The following ARHGAP10 variants were observed in gnomAD, a reference collection of about 807,000 sequenced individuals.
ARHGAP10 encodes rho GTPase-activating protein 10.
Under a neutral mutation model 108.6 loss-of-function variants are expected in ARHGAP10, and 87 were observed. The ratio of observed to expected loss-of-function variants is 0.80; its 90% confidence interval spans 0.67 to 0.96. ARHGAP10 has a LOEUF of 0.96. Ranked by LOEUF, ARHGAP10 falls within the 40% of genes least tolerant of loss-of-function variation. The pLI is 0.00. For synonymous variants in ARHGAP10, 347 were observed against 341.1 expected (o/e 1.02, Z -0.19); for missense variants, 939 against 954.5 (o/e 0.98, Z 0.21).
intron 3 of ARHGAP10, among the ~76,000 whole-genome samples, chr4:147,843,259 A>G (rs936060630): frequency 1.3e-5 from 2 of 152,154 alleles, no homozygotes; most frequent in African/African-American, 2.4e-5. Context: ...GCATTTAGAC[A>G]TGCTCTCATC....
chr4:148,009,476 A>C (rs547250684), intron 18 of ARHGAP10, among the ~76,000 whole-genome samples: 2 of 152,274 alleles, frequency 1.3e-5, no homozygotes, highest in South Asian at 4.1e-4. Flanking sequence ...TGAGGTAAAA[A>C]ATGTTAAGAT....
chr4:147,939,966 T>C, intron 14 of ARHGAP10, 67 bp downstream of exon 14: 1 of 1,357,452 alleles, frequency 7.4e-7, no homozygotes, highest in Non-Finnish European at 1.0e-6. Context: ...CACAGCTTAA[T>C]ATTTCATAAT....
intron 1 of ARHGAP10, among the ~76,000 whole-genome samples, chr4:147,821,609 C>T (rs1732500350): frequency 6.6e-6 from 1 of 152,156 alleles, no homozygotes; most frequent in Non-Finnish European, 1.5e-5. Flanking sequence ...AGGTTAGAGG[C>T]TGTGCACGTG....
chr4:147,826,757 A>G (rs1418913076), intron 3 of ARHGAP10, among the ~76,000 whole-genome samples: 2 of 152,184 alleles, frequency 1.3e-5, no homozygotes, highest in African/African-American at 4.8e-5. Flanking sequence ...TTCAGTATAT[A>G]TCTCAAAAAG....
chr4:147,883,137 A>G (rs1458712393), intron 10 of ARHGAP10, among the ~76,000 whole-genome samples: 2 of 152,248 alleles, frequency 1.3e-5, no homozygotes, highest in African/African-American at 4.8e-5. Flanking sequence ...ACATAAAAAC[A>G]GGCCCTTAAG....
chr4:148,055,428 C>T (rs1729319458), intron 20 of ARHGAP10, among the ~76,000 whole-genome samples: 1 of 152,192 alleles, frequency 6.6e-6, no homozygotes, highest in Non-Finnish European at 1.5e-5. Flanking sequence ...GTGGCATACG[C>T]CTGTAATCCC....
At chr4:147,828,298 T>A (rs887784208) in intron 3 of ARHGAP10, among the ~76,000 whole-genome samples, 2 of 152,254 alleles carry the variant, frequency 1.3e-5, no homozygotes, top group African/African-American at 2.4e-5. Context: ...AAGGGTAAGA[T>A]GAGACTTTAG....
At chr4:147,815,160 C>T (rs1732186449) in intron 1 of ARHGAP10, among the ~76,000 whole-genome samples, 1 of 152,156 alleles carries the variant, frequency 6.6e-6, no homozygotes, top group Non-Finnish European at 1.5e-5. Context: ...AACTTGTCAC[C>T]CTGCTGCCGC....
intron 18 of ARHGAP10, among the ~76,000 whole-genome samples, chr4:147,970,954 G>A (rs184487132): frequency 6.6e-5 from 10 of 152,122 alleles, no homozygotes; most frequent in African/African-American, 1.7e-4. Flanking sequence ...TTAGCCAGGC[G>A]TGGTGGCGGG....
At chr4:147,791,369 C>G (rs1008402714) in intron 1 of ARHGAP10, among the ~76,000 whole-genome samples, 2 of 152,040 alleles carry the variant, frequency 1.3e-5, no homozygotes, top group East Asian at 1.9e-4. Context: ...GCCTCAGCCT[C>G]CCGAAGTGCT....
rs1324737180 is a variant in ARHGAP10 at position 147,977,860 on chromosome 4, A to G, written c.1716+11021A>G. Among the ~76,000 whole-genome samples the G allele has an allele frequency of 2.0e-5, 3 of 150,714 alleles. No homozygotes were observed. The East Asian group carries it at 5.8e-4, about 29-fold the overall frequency. ...CAGTGTCTATTACTTTCATCTTTAT[A>G]TCTGTGTAAACCCAAGATTTAGCTT... On this transcript the variant is annotated intron_variant, in intron 18 of 22. Coordinates refer to ENST00000336498, the MANE Select transcript of ARHGAP10 (RefSeq NM_024605.4).
In ARHGAP10 at chr4:147,864,858, G is replaced by A. The variant is rs561455545; in HGVS notation, c.499G>A (p.Val167Ile). Reference sequence around the variant, plus strand: ...GATTTTAACATAGGCAGATATCCAAGTAGAGCAGAACCGGCAACACTTCTA... The same window carrying A: ...GATTTTAACATAGGCAGATATCCAAATAGAGCAGAACCGGCAACACTTCTA... ...DSHLQEADIQ[V>I]EQNRQHFYEL... is the part of the protein sequence containing the mutation. The change falls in exon 6 of 23, where the codon GTA (valine) becomes ATA (isoleucine). Residue 167 changes from valine (V) to isoleucine (I), a missense_variant. By Grantham distance (29) the Val-to-Ile change is conservative (BLOSUM62 3). Transcript: ENST00000336498. 2.7e-5 allele frequency: 44 copies of A among 1,613,610 alleles called. No homozygotes were observed. In the South Asian group the frequency reaches 4.6e-4, roughly 17 times the overall value.
chr4:147,895,625 G>T (rs1414814024), intron 10 of ARHGAP10, among the ~76,000 whole-genome samples: 3 of 151,224 alleles, frequency 2.0e-5, no homozygotes, highest in Admixed American at 2.0e-4. Context: ...GTTCAAAGCT[G>T]CAGTGAGCCA....
chr4:147,970,597 A>T (rs1395393979), intron 18 of ARHGAP10, among the ~76,000 whole-genome samples: 2 of 152,190 alleles, frequency 1.3e-5, no homozygotes, highest in Non-Finnish European at 2.9e-5. Flanking sequence ...TGACTCCAGG[A>T]AAGTCACTAA....
intron 18 of ARHGAP10, among the ~76,000 whole-genome samples, chr4:147,979,508 C>A (rs1739729487): frequency 1.3e-5 from 2 of 151,882 alleles, no homozygotes; most frequent in South Asian, 4.2e-4. Flanking sequence ...ATTGCCTTGA[C>A]TGTTGAGGCT....
intron 18 of ARHGAP10, among the ~76,000 whole-genome samples, chr4:147,972,322 A>AAT (rs1553967349): frequency 1.3e-4 from 20 of 152,244 alleles, no homozygotes; most frequent in African/African-American, 4.1e-4. Context: ...TACACTTAAA[A>AAT]ATATATATAT....
chr4:147,965,256 G>A (rs1739162878), intron 17 of ARHGAP10, 127 bp downstream of exon 17: 2 of 605,902 alleles, frequency 3.3e-6, no homozygotes, highest in East Asian at 3.0e-5. Flanking sequence ...TTGACTCATT[G>A]TGTGTGTTTT....
intron 13 of ARHGAP10, among the ~76,000 whole-genome samples, chr4:147,936,208 A>G (rs1380291117): frequency 2.0e-5 from 3 of 151,932 alleles, no homozygotes; most frequent in African/African-American, 7.3e-5. Context: ...TTGAGGCTCA[A>G]TCTTTTTTCC....
chr4:147,838,783 T>G (rs1382895744), intron 3 of ARHGAP10, among the ~76,000 whole-genome samples: 5 of 152,234 alleles, frequency 3.3e-5, no homozygotes, highest in Non-Finnish European at 5.9e-5. Context: ...ATCTTATTCC[T>G]TTTAAAGTGA....
Sources: gnomAD v4.1 joint callset for allele counts (sites outside exome capture counted in the v4.1 genomes callset) on GRCh38, gnomAD v4.1.1 for gene constraint, MANE v1.5 for transcripts, NCBI Gene and HGNC (gene_info 2026-07-23, HGNC 2026-07-21) for gene names.